The following DDX21 variants were observed in gnomAD, a reference collection of about 807,000 sequenced individuals.
DDX21 encodes the protein DExD-box helicase 21.
A neutral mutation model predicts 90.0 loss-of-function variants in DDX21; 18 were observed. The observed-to-expected ratio is 0.20, with a 90% confidence interval of 0.14 to 0.30. The LOEUF is 0.30. DDX21 is among the 10% of genes least tolerant of loss of function. The pLI is 1.00. For missense variants in DDX21, 673 were observed against 944.5 expected (o/e 0.71, Z 3.77); for synonymous variants, 294 against 318.0 (o/e 0.92, Z 0.80).
At chr10:68,967,498 A>G (rs1309830954) in intron 6 of DDX21, among the ~76,000 whole-genome samples, 1 of 152,132 alleles carries the variant, frequency 6.6e-6, no homozygotes, top group African/African-American at 2.4e-5. Flanking sequence ...TAAGAGATTA[A>G]TAAAGCCTTG....
chr10:68,982,179 A>C (rs1156674981), intron 14 of DDX21, among the ~76,000 whole-genome samples: 1 of 152,216 alleles, frequency 6.6e-6, no homozygotes, highest in Non-Finnish European at 1.5e-5. Context: ...ACAGGTTTTC[A>C]TAGACATTTA....
rs1248418696 is a variant in DDX21 at position 68,982,578 on chromosome 10, T to C, written c.2118T>C (p.Ser706=). Residue 706 remains serine (S), a synonymous_variant, in exon 15 of 15, where the codon TCT becomes TCC. Coordinates refer to ENST00000354185, the MANE Select transcript of DDX21 (RefSeq NM_004728.4). The stretch of plus-strand genomic sequence containing the variant: ...ATGATTCACGACGCTGGCAGCTCTC[T>C]GTGGCCACAGAGCAACCAGAACTGG... ...KWHDSRRWQL[S]VATEQPELEG... The C allele has an allele frequency of 6.2e-7, 1 of 1,613,418 alleles. No individual in the cohort carries two copies. The highest frequency in any genetic ancestry group is 1.7e-5 in the Admixed American group (1 of 60,016).
intron 11 of DDX21, 82 bp downstream of exon 11, chr10:68,974,825 T>TAAA: frequency 8.0e-7 from 1 of 1,243,664 alleles, no homozygotes; most frequent in Non-Finnish European, 1.1e-6. Flanking sequence ...AGATTTGACT[T>TAAA]AAAAAAATTT....
Position 68,965,447 on chromosome 10 carries a change from A to G in DDX21, c.857A>G (p.Lys286Arg). 6.2e-7 allele frequency: 1 copy of G among 1,614,012 alleles called. No homozygotes were observed. The change falls in exon 5 of 15, where the codon AAG (lysine) becomes AGG (arginine). Residue 286 changes from lysine (K) to arginine (R), a missense_variant. This residue lies in a region of DDX21 where 218 missense variants were observed against 347.3 expected (regional missense o/e 0.63). Transcript: ENST00000354185. ...AAAGACTTCAGTGACATCACAAAAA[A>G]GCTGTCAGTGGCTTGTTTTTATGGT... is the stretch of plus-strand genomic sequence containing the variant. ...VSKDFSDITK[K>R]LSVACFYGGT...
chr10:68,959,875 C>T lies in DDX21; in HGVS notation c.157C>T (p.Pro53Ser). ...AGCAGAAGAGGAAGAAACTGTTTTC[C>T]CCAAAGCTAAACAAGTTAAAAAGAA... is the stretch of plus-strand genomic sequence containing the variant. ...EIAEEEETVFPKAKQVKKKAE... is the reference protein window; with the variant it reads ...EIAEEEETVFSKAKQVKKKAE... Residue 53 changes from proline to serine, a missense_variant, in exon 2 of 15, where the codon CCC becomes TCC. This residue lies in a region of DDX21 where 204 missense variants were observed against 221.6 expected (regional missense o/e 0.92). Transcript: ENST00000354185. 6.3e-7 allele frequency: 1 copy of T among 1,594,752 alleles called. No homozygotes were observed. The highest frequency in any genetic ancestry group is 1.2e-5 in the South Asian group (1 of 85,318).
At chr10:68,973,903 T>C (rs1028681862) in intron 10 of DDX21, among the ~76,000 whole-genome samples, 16 of 152,176 alleles carry the variant, frequency 1.1e-4, no homozygotes, top group African/African-American at 3.9e-4. Context: ...CAATGATAAA[T>C]ATGAACCAGA....
chr10:68,967,281 C>T, intron 6 of DDX21, 78 bp downstream of exon 6: 1 of 1,412,036 alleles, frequency 7.1e-7, no homozygotes, highest in Non-Finnish European at 9.6e-7. Context: ...TCAAGTGACT[C>T]TCATGCCTCA....
intron 9 of DDX21, among the ~76,000 whole-genome samples, 190 bp downstream of exon 9, chr10:68,972,242 G>A (rs1589287047): frequency 6.6e-6 from 1 of 152,158 alleles, no homozygotes; most frequent in East Asian, 1.9e-4. Flanking sequence ...GAGTAGAAGT[G>A]CAGTCAGCAG....
At position 68,974,508 on chromosome 10, in the gene DDX21, C is replaced by G. The variant is rs561006485; in HGVS notation, c.1669-162C>G. Among the ~76,000 whole-genome samples the G allele has an allele frequency of 2.0e-5, 3 of 152,288 alleles. No homozygotes were observed. In the East Asian group the frequency reaches 5.8e-4, roughly 29 times the overall value. On this transcript the variant is annotated intron_variant, in intron 10 of 14. Transcript: ENST00000354185. ...TTAATAATAGCAGAAACCTGGAGCT[C>G]TCTGTACTGTCTTTGTAGCTTTTCT...
intron 1 of DDX21, 47 bp from the exon 2 acceptor site, chr10:68,959,759 T>C: frequency 7.5e-7 from 1 of 1,327,892 alleles, no homozygotes; most frequent in Non-Finnish European, 1.0e-6. Flanking sequence ...TGCAAATGTA[T>C]AAATGCCTTA....
At chr10:68,964,268 C>T (rs575918386) in intron 4 of DDX21, 1 of 268,396 alleles carries the variant, frequency 3.7e-6, no homozygotes, top group African/African-American at 2.3e-5. Flanking sequence ...CATGTAGTCA[C>T]TTTGGCTGTG....
intron 5 of DDX21, among the ~76,000 whole-genome samples, chr10:68,966,499 G>A (rs932260618): frequency 2.0e-5 from 3 of 151,944 alleles, no homozygotes; most frequent in Non-Finnish European, 4.4e-5. Flanking sequence ...CTGGAGTGCA[G>A]TGGCGTGATC....
Position 68,981,557 on chromosome 10 carries a change from T to C in DDX21, c.2058T>C (p.Pro686=). The C allele has an allele frequency of 1.2e-6, 2 of 1,613,198 alleles. No homozygotes were observed. Among genetic ancestry groups the C allele is most frequent in the Non-Finnish European group, 1.7e-6 (2 of 1,179,676 alleles). ...KGKLGVCFDV[P]TASVTEIQEK... is the part of the protein sequence containing the mutation. ...TCTAGGGTGTTTGCTTTGATGTACC[T>C]ACCGCATCAGTAACAGAAATACAGG... The change falls in exon 14 of 15, where the codon CCT becomes CCC. Residue 686 remains proline, a synonymous_variant. Coordinates refer to ENST00000354185, the MANE Select transcript of DDX21 (RefSeq NM_004728.4).
intron 11 of DDX21, among the ~76,000 whole-genome samples, chr10:68,976,691 T>G (rs1216678017): frequency 6.6e-6 from 1 of 152,084 alleles, no homozygotes; most frequent in African/African-American, 2.4e-5. Flanking sequence ...TAAGGAGAGT[T>G]GGGGTTAGAT....
chr10:68,976,469 A>T (rs979188332), intron 11 of DDX21, among the ~76,000 whole-genome samples: 3 of 151,968 alleles, frequency 2.0e-5, no homozygotes, highest in African/African-American at 7.2e-5. Flanking sequence ...TTGTATTTTT[A>T]GTAGAGACGG....
At chr10:68,966,912 G>T in intron 5 of DDX21, 106 bp from the exon 6 acceptor site, 1 of 832,816 alleles carries the variant, frequency 1.2e-6, no homozygotes, top group Non-Finnish European at 1.8e-6. Context: ...TGTACTTGTA[G>T]GTATTTAACA....
intron 12 of DDX21, 82 bp downstream of exon 12, chr10:68,977,770 G>C: frequency 7.2e-7 from 1 of 1,384,722 alleles, no homozygotes; most frequent in East Asian, 2.4e-5. Context: ...AAGCTTCCCA[G>C]TTGTTTTCAT....
chr10:68,973,121 G>A (rs577997580), intron 9 of DDX21, among the ~76,000 whole-genome samples: 1 of 152,204 alleles, frequency 6.6e-6, no homozygotes, highest in Admixed American at 6.5e-5. Context: ...CTTGAACCCG[G>A]TAGGCGGAGG....
chr10:68,956,374 G>A, intron 1 of DDX21, 62 bp downstream of exon 1: 3 of 1,606,284 alleles, frequency 1.9e-6, no homozygotes, highest in Non-Finnish European at 1.7e-6. Context: ...CGGGGTGCGG[G>A]AGAAGTGCCC....
Sources: allele counts gnomAD v4.1 joint callset (sites outside exome capture counted in the v4.1 genomes callset), GRCh38; gene constraint gnomAD v4.1.1; regional missense constraint gnomAD v4.1.1; transcripts MANE v1.5; gene names NCBI Gene and HGNC (gene_info 2026-07-23, HGNC 2026-07-21).